AKAIN1: variants seen among roughly 807,000 people sequenced by gnomAD.
The protein encoded by AKAIN1 is A-kinase anchor protein inhibitor 1.
AKAIN1 carries 3 observed loss-of-function variants against 3.7 expected under a neutral mutation model. The ratio of observed to expected loss-of-function variants is 0.82; its 90% CI spans 0.37 to 2.12. The LOEUF (loss-of-function observed/expected upper bound fraction) is 2.12. Ranked by LOEUF, AKAIN1 falls within the 30% of genes most tolerant of loss-of-function variation. The probability of loss-of-function intolerance (pLI) is 0.06; values close to 1 mark genes in which losing one functional copy is unlikely to be tolerated. For missense variants in AKAIN1, 82 were observed against 82.7 expected, an observed-to-expected ratio of 0.99 and a Z score of 0.03; for synonymous variants, 31 against 30.8, an observed-to-expected ratio of 1.01 and a Z score of -0.02.
chr18:5,190,032 G>C (rs1165396750), intron 1 of AKAIN1, among the ~76,000 whole-genome samples: 1 of 152,166 alleles, frequency 6.6e-6, no homozygotes, highest in Non-Finnish European at 1.5e-5. Flanking sequence ...TGGATGCCAG[G>C]AAGTCCAAGA....
Position 5,145,663 on chromosome 18 carries a change from C to T in AKAIN1, c.109G>A (p.Val37Ile). The T allele has an allele frequency of 6.4e-7, 1 of 1,551,690 alleles. No homozygotes were observed. The highest frequency in any genetic ancestry group is 8.7e-7 in the Non-Finnish European group (1 of 1,146,950). ...QNAILQAVQQ[V>I]SQESQRREER... ...TCTCTGCGCTGACTCTCCTGGGAGA[C>T]TTGCTGCACAGCTTGCAGGATTGCA... is the stretch of plus-strand genomic sequence containing the variant. Residue 37 changes from valine (V) to isoleucine (I), a missense_variant, in exon 2 of 2, where the codon GTC (valine) becomes ATC (isoleucine). By Grantham distance (29) the Val-to-Ile change is conservative (BLOSUM62 3). Transcript: ENST00000434239.
At chr18:5,192,598 C>T (rs1439724524) in intron 1 of AKAIN1, among the ~76,000 whole-genome samples, 1 of 152,020 alleles carries the variant, frequency 6.6e-6, no homozygotes, top group Non-Finnish European at 1.5e-5. Context: ...CTGCCAACAT[C>T]TTGGACTTGG....
chr18:5,192,439 TTC>T (rs1436529263), intron 1 of AKAIN1, among the ~76,000 whole-genome samples: 5,113 of 110,974 alleles, frequency 0.046, 140 homozygotes, highest in African/African-American at 0.053. Context: ...CTTTCTTTCT[TTC>T]TTTCTTTTTC....
At chr18:5,147,385 T>C (rs2071055205) in intron 1 of AKAIN1, among the ~76,000 whole-genome samples, 1 of 152,222 alleles carries the variant, frequency 6.6e-6, no homozygotes, top group Non-Finnish European at 1.5e-5. Context: ...GGTAGACTGA[T>C]CATGAATCTA....
At chr18:5,180,110 C>T (rs541006256) in intron 1 of AKAIN1, among the ~76,000 whole-genome samples, 1 of 152,132 alleles carries the variant, frequency 6.6e-6, no homozygotes, top group Non-Finnish European at 1.5e-5. Context: ...AAAGAATTGA[C>T]CCATCTTCCT....
intron 1 of AKAIN1, among the ~76,000 whole-genome samples, chr18:5,156,017 G>A (rs2071106127): frequency 6.6e-6 from 1 of 152,102 alleles, no homozygotes. Context: ...CTCTTACTAG[G>A]CCATTTATAG....
chr18:5,153,912 A>G (rs1169040052), intron 1 of AKAIN1, among the ~76,000 whole-genome samples: 2 of 152,078 alleles, frequency 1.3e-5, no homozygotes, highest in African/African-American at 4.8e-5. Flanking sequence ...GGAAGGGGGC[A>G]TATAAGAAAT....
chr18:5,158,441 G>A (rs899069089), intron 1 of AKAIN1, among the ~76,000 whole-genome samples: 2 of 152,100 alleles, frequency 1.3e-5, no homozygotes, highest in Non-Finnish European at 2.9e-5. Flanking sequence ...GGCCACATAT[G>A]GCTAGGCCAA....
intron 1 of AKAIN1, among the ~76,000 whole-genome samples, chr18:5,163,413 T>C (rs1405956620): frequency 1.3e-5 from 2 of 152,038 alleles, no homozygotes; most frequent in African/African-American, 4.8e-5. Context: ...TTTAATTATA[T>C]TGAATGTAAC....
rs1281088708 is a variant in AKAIN1, at chr18:5,143,470, G to C, written c.*2092C>G. ...TTTTAGATCAAAAGACCACTTCTTA[G>C]CATACATCCTTTTCTCTTCAAGCCT... On this transcript the variant is annotated 3_prime_UTR_variant, in exon 2 of 2. Transcript: ENST00000434239. 6.6e-6 allele frequency among the ~76,000 whole-genome samples: 1 copy of C among 152,134 alleles called. No homozygotes were observed. Among genetic ancestry groups the C allele is most frequent in the Non-Finnish European group, 1.5e-5 (1 of 68,040 alleles).
At chr18:5,146,397 C>T (rs909396867) in intron 1 of AKAIN1, among the ~76,000 whole-genome samples, 5 of 152,242 alleles carry the variant, frequency 3.3e-5, no homozygotes, top group East Asian at 1.9e-4. Context: ...CCCTGGGCCA[C>T]GTACTTCTGG....
At chr18:5,174,241 T>G (rs1297571798) in intron 1 of AKAIN1, among the ~76,000 whole-genome samples, 1 of 152,076 alleles carries the variant, frequency 6.6e-6, no homozygotes, top group Non-Finnish European at 1.5e-5. Flanking sequence ...TCTCCCTAAG[T>G]CCTGTGCTGT....
intron 1 of AKAIN1, among the ~76,000 whole-genome samples, chr18:5,194,833 G>GT (rs1312984782): frequency 6.6e-6 from 1 of 152,166 alleles, no homozygotes; most frequent in Non-Finnish European, 1.5e-5. Flanking sequence ...CTTTCTGAGT[G>GT]TTAGGTTAGC....
At chr18:5,155,904 G>A (rs1235421488) in intron 1 of AKAIN1, among the ~76,000 whole-genome samples, 1 of 152,016 alleles carries the variant, frequency 6.6e-6, no homozygotes, top group East Asian at 1.9e-4. Context: ...TCGGAGGTAA[G>A]AAGATAGGGA....
chr18:5,146,329 A>G (rs1350325137), intron 1 of AKAIN1, among the ~76,000 whole-genome samples: 1 of 152,204 alleles, frequency 6.6e-6, no homozygotes, highest in Non-Finnish European at 1.5e-5. Context: ...CATTCTGGGC[A>G]TGGCTGGGCA....
chr18:5,161,187 T>C (rs1254523734), intron 1 of AKAIN1, among the ~76,000 whole-genome samples: 1 of 152,088 alleles, frequency 6.6e-6, no homozygotes, highest in African/African-American at 2.4e-5. Flanking sequence ...CGGCTCCATG[T>C]CCATAGTGTA....
rs558246460 is a variant in AKAIN1, at chr18:5,176,767, G to A, written c.16+20271C>T. ...CTCAAGCAACTTTAAGAAAAAACAC[G>A]ATAACAACAAATTCTAATTCTAAGA... On this transcript the variant is annotated intron_variant, in intron 1 of 1. Transcript: ENST00000434239. Among the ~76,000 whole-genome samples the A allele has an allele frequency of 5.9e-5, 9 of 152,164 alleles. No individual in the cohort carries two copies. The South Asian group carries it at 1.7e-3, about 28-fold the overall frequency.
chr18:5,175,029 T>G, intron 1 of AKAIN1, among the ~76,000 whole-genome samples: 1 of 152,176 alleles, frequency 6.6e-6, no homozygotes, highest in East Asian at 1.9e-4. Flanking sequence ...CCGCACAGGG[T>G]CTCACACTCA....
At chr18:5,192,441 C>CTT (rs761679981) in intron 1 of AKAIN1, among the ~76,000 whole-genome samples, 1 of 101,430 alleles carries the variant, frequency 9.9e-6, no homozygotes, top group Non-Finnish European at 2.1e-5. Context: ...TTCTTTCTTT[C>CTT]TTTCTTTTTC....
Sources: gnomAD v4.1 joint callset for allele counts (sites outside exome capture counted in the v4.1 genomes callset) on GRCh38, gnomAD v4.1.1 for gene constraint, MANE v1.5 for transcripts, NCBI Gene and HGNC (gene_info 2026-07-23, HGNC 2026-07-21) for gene names.